PALS1: variants seen among roughly 807,000 people sequenced by gnomAD.
PALS1 encodes protein PALS1.
A neutral mutation model predicts 78.9 loss-of-function variants in PALS1; 31 were observed. The observed-to-expected ratio is 0.39, with a 90% confidence interval of 0.30 to 0.53. The LOEUF is 0.53. Ranked by LOEUF, PALS1 falls within the 20% of genes least tolerant of loss-of-function variation. The pLI is 0.67. For synonymous variants in PALS1, 276 were observed against 270.9 expected (o/e 1.02, Z -0.18); for missense variants, 704 against 826.5 (o/e 0.85, Z 1.82).
chr14:67,311,310 CAAAAAAA>C (rs1164347381), intron 8 of PALS1, among the ~76,000 whole-genome samples: 1 of 63,956 alleles, frequency 1.6e-5, no homozygotes, highest in African/African-American at 4.9e-5. Context: ...GACTCCGTCT[CAAAAAAA>C]AAAAAAAAAA....
chr14:67,290,495 C>T (rs72717378), intron 3 of PALS1, among the ~76,000 whole-genome samples: 1 of 152,176 alleles, frequency 6.6e-6, no homozygotes, highest in Non-Finnish European at 1.5e-5. Flanking sequence ...TCTCCCACCT[C>T]AGCCTAATGA....
intron 1 of PALS1, among the ~76,000 whole-genome samples, chr14:67,268,190 G>T (rs1233747217): frequency 2.0e-5 from 3 of 152,270 alleles, no homozygotes; most frequent in Admixed American, 2.0e-4. Flanking sequence ...TTATATAGAG[G>T]TTCCCCTTCC....
chr14:67,262,276 T>C (rs1046832823), intron 1 of PALS1, among the ~76,000 whole-genome samples: 1 of 152,194 alleles, frequency 6.6e-6, no homozygotes, highest in Non-Finnish European at 1.5e-5. Context: ...GTGTCCTGTC[T>C]AGCAGTTAAC....
intron 3 of PALS1, among the ~76,000 whole-genome samples, chr14:67,289,768 CCTTTTT>C (rs1223061331): frequency 2.1e-5 from 2 of 95,506 alleles, no homozygotes; most frequent in Non-Finnish European, 4.3e-5. Context: ...TTTTCCATGT[CCTTTTT>C]TTTTTTTTTT....
intron 1 of PALS1, among the ~76,000 whole-genome samples, chr14:67,245,282 G>A (rs2083970773): frequency 1.3e-5 from 2 of 152,304 alleles, no homozygotes; most frequent in Admixed American, 1.3e-4. Flanking sequence ...CAATATATGA[G>A]AGGTCAGTTG....
intron 1 of PALS1, among the ~76,000 whole-genome samples, chr14:67,257,081 G>C (rs114525907): frequency 6.6e-6 from 1 of 152,028 alleles, no homozygotes; most frequent in Non-Finnish European, 1.5e-5. Flanking sequence ...CCGGTAAGAC[G>C]GAACAACTTG....
chr14:67,299,543 A>G (rs1198302150), intron 4 of PALS1, among the ~76,000 whole-genome samples: 2 of 152,228 alleles, frequency 1.3e-5, no homozygotes, highest in African/African-American at 2.4e-5. Context: ...AAAGAACAGT[A>G]CAAGGTCAGG....
At chr14:67,323,960 T>C (rs190289276) in intron 14 of PALS1, 148 bp downstream of exon 14, 1 of 534,586 alleles carries the variant, frequency 1.9e-6, no homozygotes, top group East Asian at 3.7e-5. Context: ...AAAATTGCCA[T>C]GGTTGCCACT....
At chr14:67,289,146 T>C (rs553658173) in intron 3 of PALS1, among the ~76,000 whole-genome samples, 37 of 151,210 alleles carry the variant, frequency 2.4e-4, no homozygotes, top group Middle Eastern at 3.4e-3. Flanking sequence ...TTTGCATTTT[T>C]TTGTAGACCT....
intron 1 of PALS1, among the ~76,000 whole-genome samples, chr14:67,262,503 T>A (rs905026700): frequency 1.3e-5 from 2 of 152,178 alleles, no homozygotes; most frequent in African/African-American, 4.8e-5. Flanking sequence ...TCATTCTTTA[T>A]AATAACCATT....
In PALS1 at chr14:67,333,098, T is replaced by A; in HGVS notation, c.*142T>A. 1.5e-6 allele frequency: 1 copy of A among 674,390 alleles called. No homozygotes were observed. Among genetic ancestry groups the A allele is most frequent in the Non-Finnish European group, 2.4e-6 (1 of 416,330 alleles). The allele number at this position is 674,390 out of a possible 1,614,324, so 41.8% of individuals were successfully genotyped here. ...AGATCTGTTCTTAGATCTCTTGAAT[T>A]AGTGAGACGACAGTTCCCTTAGGCA... On this transcript the variant is annotated 3_prime_UTR_variant, in exon 15 of 15. Transcript: ENST00000261681.
At chr14:67,314,201 G>A (rs920355282) in intron 9 of PALS1, among the ~76,000 whole-genome samples, 2 of 144,046 alleles carry the variant, frequency 1.4e-5, no homozygotes, top group East Asian at 2.4e-4. Context: ...GAAAAGGAGG[G>A]CATGAAAAAA....
At chr14:67,319,802 G>A (rs1474998084) in intron 11 of PALS1, among the ~76,000 whole-genome samples, 2 of 152,162 alleles carry the variant, frequency 1.3e-5, no homozygotes, top group Admixed American at 1.3e-4. Flanking sequence ...ATATGTAAAT[G>A]TCGGTCTATG....
intron 8 of PALS1, 73 bp from the exon 9 acceptor site, chr14:67,312,454 G>A (rs979209405): frequency 1.5e-5 from 16 of 1,061,454 alleles, no homozygotes; most frequent in Admixed American, 8.3e-5. Context: ...AAAATTTGTA[G>A]CATTTAAATT....
At chr14:67,314,076 T>C (rs1006928024) in intron 9 of PALS1, among the ~76,000 whole-genome samples, 1 of 152,168 alleles carries the variant, frequency 6.6e-6, no homozygotes, top group African/African-American at 2.4e-5. Flanking sequence ...ATCTACAACC[T>C]TTTTTAGCGA....
rs199525612 is a variant in PALS1 at position 67,294,676 on chromosome 14, T to G, written c.576+1957T>G. The G allele has an allele frequency of 9.2e-5, 14 of 152,060 alleles. No individual in the cohort carries two copies. The East Asian group carries it at 2.7e-3, about 29-fold the overall frequency. 9.4% of individuals were successfully genotyped at this position (152,060 alleles called of 1,614,324 possible). A position where few individuals can be genotyped will look rare whatever the true frequency, so the allele number is the denominator to read the frequency against. ...AAACCAAATTTCTTAGATATTATAGTGCTTTTTTTTTTTTGAGATGGAGTC... is the reference window on the plus strand; with the variant it reads ...AAACCAAATTTCTTAGATATTATAGGGCTTTTTTTTTTTTGAGATGGAGTC... On this transcript the variant is annotated intron_variant, in intron 4 of 14. Coordinates refer to ENST00000261681, the MANE Select transcript of PALS1 (RefSeq NM_022474.4).
intron 1 of PALS1, among the ~76,000 whole-genome samples, chr14:67,251,149 T>C (rs973031268): frequency 2.0e-5 from 3 of 152,254 alleles, no homozygotes; most frequent in African/African-American, 7.2e-5. Context: ...GTCTGTAATA[T>C]AGCCTGCCTT....
In PALS1 at chr14:67,287,230, CA is replaced by C. The variant is rs1030535979; in HGVS notation, c.368-5272del. ...CGAAACCCTATCTCAAAAACAAAAA[CA>C]AAAAAAAAGACACTGGAGATTCTGG... On this transcript the variant is annotated intron_variant, in intron 3 of 14. Coordinates refer to ENST00000261681, the MANE Select transcript of PALS1 (RefSeq NM_022474.4). 4.9e-4 allele frequency among the ~76,000 whole-genome samples: 72 copies of C among 147,388 alleles called. 1 individual carries two copies. Among genetic ancestry groups the C allele is most frequent in the Non-Finnish European group, 9.0e-5 (6 of 66,602 alleles).
At chr14:67,305,496 G>C (rs917693302) in intron 8 of PALS1, among the ~76,000 whole-genome samples, 1 of 152,160 alleles carries the variant, frequency 6.6e-6, no homozygotes, top group Non-Finnish European at 1.5e-5. Flanking sequence ...GCCCAGGCTA[G>C]TCTCGAACTC....
Sources: gnomAD v4.1 joint callset for allele counts (sites outside exome capture counted in the v4.1 genomes callset) on GRCh38, gnomAD v4.1.1 for gene constraint, MANE v1.5 for transcripts, NCBI Gene and HGNC (gene_info 2026-07-23, HGNC 2026-07-21) for gene names.